The following PRPSAP1 variants were observed in gnomAD, a reference collection of about 807,000 sequenced individuals.
PRPSAP1 encodes phosphoribosyl pyrophosphate synthetase associated protein 1, also known as phosphoribosyl pyrophosphate synthase-associated protein 1.
In PRPSAP1, 31 loss-of-function variants were observed where a neutral mutation model predicts 39.4. The ratio of observed to expected loss-of-function variants is 0.79; its 90% CI spans 0.59 to 1.06. The LOEUF is 1.06. Among genes scored for constraint, PRPSAP1 ranks in the 50% least tolerant of loss-of-function variants. The pLI is 0.00. For missense variants in PRPSAP1, 430 were observed against 511.6 expected, an observed-to-expected ratio of 0.84 and a Z score of 1.54; for synonymous variants, 212 against 192.6, an observed-to-expected ratio of 1.10 and a Z score of -0.83.
intron 7 of PRPSAP1, among the ~76,000 whole-genome samples, chr17:76,325,979 T>C (rs1048973255): frequency 6.6e-6 from 1 of 152,126 alleles, no homozygotes; most frequent in Non-Finnish European, 1.5e-5. Flanking sequence ...CACAATGATA[T>C]TGAGCATTTA....
In PRPSAP1 at chr17:76,353,887, G is replaced by T; in HGVS notation, c.-184C>A. On this transcript the variant is annotated 5_prime_UTR_variant, in exon 1 of 10. Transcript: ENST00000446526. ...ACTACAGCGGCCGAGCCTTCGCAGC[G>T]CCCGGCGCCGCCGCCTCAGAGCCAG... 1.5e-6 allele frequency: 2 copies of T among 1,328,044 alleles called. No individual in the cohort carries two copies. The highest frequency in any genetic ancestry group is 3.1e-5 in the African/African-American group (2 of 64,738). 82.3% of individuals were successfully genotyped at this position (1,328,044 alleles called of 1,614,324 possible). A position where few individuals can be genotyped will look rare whatever the true frequency, so the allele number is the denominator to read the frequency against.
intron 7 of PRPSAP1, among the ~76,000 whole-genome samples, chr17:76,326,119 TGAC>T (rs535731766): frequency 2.1e-4 from 32 of 152,282 alleles, no homozygotes; most frequent in African/African-American, 7.0e-4. Context: ...GGTATTCCTG[TGAC>T]GACAATGAAT....
At chr17:76,337,038 G>C (rs952459872) in intron 3 of PRPSAP1, among the ~76,000 whole-genome samples, 3 of 152,136 alleles carry the variant, frequency 2.0e-5, no homozygotes, top group Admixed American at 6.6e-5. Context: ...AGCTCTTGTA[G>C]TCTTTATCTC....
At chr17:76,320,455 C>T (rs1598520225) in intron 7 of PRPSAP1, among the ~76,000 whole-genome samples, 1 of 102,296 alleles carries the variant, frequency 9.8e-6, no homozygotes, top group African/African-American at 3.6e-5. Context: ...GATGGAGTCT[C>T]CCTTTGTTGC....
In PRPSAP1 at chr17:76,311,444, G is replaced by C; in HGVS notation, c.*98C>G. 1 of 1,365,912 alleles carries C rather than the reference G, an allele frequency of 7.3e-7. No individual in the cohort carries two copies. 84.6% of individuals were successfully genotyped at this position (1,365,912 alleles called of 1,614,324 possible). A position where few individuals can be genotyped will look rare whatever the true frequency, so the allele number is the denominator to read the frequency against. The stretch of plus-strand genomic sequence containing the variant: ...AAAAGAAGATATCTAACTCCAGGCT[G>C]TTTCGAGTCCTCCCTTGCAAGGAAA... On this transcript the variant is annotated 3_prime_UTR_variant, in exon 10 of 10. Transcript: ENST00000446526.
intron 8 of PRPSAP1, 142 bp downstream of exon 8, chr17:76,313,679 C>G: frequency 1.2e-6 from 1 of 866,818 alleles, no homozygotes; most frequent in South Asian, 1.6e-5. Context: ...GTTTCTGCCA[C>G]TTGGCACAAG....
chr17:76,353,599 G>C lies in PRPSAP1; in HGVS notation c.105C>G (p.Thr35=), dbSNP rs765220128. ...AGTTGGCCGAGAAGACTCGGTAGCCGGTGCGAGCGGCGTTCATGGCCGGCG... is the reference window on the plus strand; with the variant it reads ...AGTTGGCCGAGAAGACTCGGTAGCCCGTGCGAGCGGCGTTCATGGCCGGCG... The part of the protein sequence containing the change: ...VPPPAMNAAR[T]GYRVFSANST... The change falls in exon 1 of 10, where the codon ACC becomes ACG. Residue 35 remains threonine (T), a synonymous_variant. Coordinates refer to ENST00000446526, the MANE Select transcript of PRPSAP1 (RefSeq NM_002766.3). 1.3e-6 allele frequency: 2 copies of C among 1,559,134 alleles called. No individual in the cohort carries two copies. The highest frequency in any genetic ancestry group is 2.3e-5 in the South Asian group (2 of 85,314).
At chr17:76,313,525 A>G (rs2071090847) in intron 8 of PRPSAP1, 1 of 371,182 alleles carries the variant, frequency 2.7e-6, no homozygotes, top group South Asian at 5.0e-5. Flanking sequence ...TTTCGGCCCT[A>G]ACGCTCAAGC....
chr17:76,330,197 G>A (rs1183144327), intron 5 of PRPSAP1, 99 bp from the exon 6 acceptor site: 1 of 1,034,496 alleles, frequency 9.7e-7, no homozygotes, highest in Admixed American at 2.0e-5. Context: ...ATCCAAACTA[G>A]TCATCAAATA....
intron 7 of PRPSAP1, among the ~76,000 whole-genome samples, chr17:76,326,292 A>G (rs2071255823): frequency 6.6e-6 from 1 of 152,232 alleles, no homozygotes. Flanking sequence ...ATCACAGTCA[A>G]TAATTGATTC....
chr17:76,352,487 T>C (rs1198744211), intron 1 of PRPSAP1, among the ~76,000 whole-genome samples: 3 of 150,864 alleles, frequency 2.0e-5, no homozygotes. Context: ...CTACTAAAAA[T>C]ACAAAAAATG....
At chr17:76,345,237 T>TAAAAAAAA (rs59693380) in intron 2 of PRPSAP1, among the ~76,000 whole-genome samples, 54 of 62,170 alleles carry the variant, frequency 8.7e-4, no homozygotes, top group Non-Finnish European at 9.9e-4. Flanking sequence ...TCCGTCTCAT[T>TAAAAAAAA]AAAAAAAAAA....
chr17:76,332,442 C>T lies in PRPSAP1; in HGVS notation c.291-7G>A. Reference sequence around the variant, plus strand: ...CACAGCTGTATTCACATCTCTGAAACAGTCAAAGTTTGTATTTGGGGATTA... The same window carrying T: ...CACAGCTGTATTCACATCTCTGAAATAGTCAAAGTTTGTATTTGGGGATTA... On this transcript the variant is annotated splice_polypyrimidine_tract_variant and splice_region_variant and intron_variant, in intron 3 of 9. Transcript: ENST00000446526. 1 of 1,613,520 alleles carries T rather than the reference C, an allele frequency of 6.2e-7. No individual in the cohort carries two copies. Among genetic ancestry groups the T allele is most frequent in the Non-Finnish European group, 8.5e-7 (1 of 1,179,552 alleles).
At chr17:76,341,059 T>G (rs981699935) in intron 3 of PRPSAP1, among the ~76,000 whole-genome samples, 1 of 151,790 alleles carries the variant, frequency 6.6e-6, no homozygotes, top group African/African-American at 2.4e-5. Context: ...TCATAGATGA[T>G]CCCTAAATAC....
chr17:76,312,799 G>A (rs2071082178), intron 9 of PRPSAP1, 71 bp downstream of exon 9: 9 of 1,539,024 alleles, frequency 5.8e-6, no homozygotes, highest in African/African-American at 1.4e-5. Context: ...ATTTAGTATT[G>A]ACTGAATCAT....
intron 7 of PRPSAP1, among the ~76,000 whole-genome samples, chr17:76,327,757 C>T (rs2071269276): frequency 6.6e-6 from 1 of 152,154 alleles, no homozygotes. Context: ...TAAGATTTCA[C>T]ACCATCACAC....
At position 76,313,004 on chromosome 17, in the gene PRPSAP1, C is replaced by T; in HGVS notation, c.865G>A (p.Asp289Asn). 1 of 1,613,662 alleles carries T rather than the reference C, an allele frequency of 6.2e-7. No homozygotes were observed. The highest frequency in any genetic ancestry group is 1.1e-5 in the South Asian group (1 of 91,038). ...GCAGCAACAAAACTCTCCACATCGT[C>T]AATAATGTCATCCTGGGAGGAGAAC... is the stretch of plus-strand genomic sequence containing the variant. Reference protein sequence around the residue: ...RIAIIVDDIIDDVESFVAAAE... With the variant: ...RIAIIVDDIINDVESFVAAAE... The change falls in exon 9 of 10, where the codon GAC becomes AAC. Residue 289 changes from aspartate (D) to asparagine (N), a missense_variant. Asp to Asn is a conservative substitution (Grantham distance 23, BLOSUM62 1). Transcript: ENST00000446526.
At chr17:76,348,730 T>C (rs1252953913) in intron 1 of PRPSAP1, 149 bp from the exon 2 acceptor site, 11 of 612,640 alleles carry the variant, frequency 1.8e-5, no homozygotes, top group Non-Finnish European at 2.9e-5. Context: ...TTCATTAAAC[T>C]AAAATTCTGC....
intron 3 of PRPSAP1, among the ~76,000 whole-genome samples, chr17:76,341,484 C>T (rs2143529956): frequency 6.6e-6 from 1 of 152,236 alleles, no homozygotes; most frequent in East Asian, 1.9e-4. Flanking sequence ...TCAAGTGATC[C>T]TCCTGCCTTG....
Sources: gnomAD v4.1 joint callset for allele counts (sites outside exome capture counted in the v4.1 genomes callset) on GRCh38, gnomAD v4.1.1 for gene constraint, MANE v1.5 for transcripts, NCBI Gene and HGNC (gene_info 2026-07-23, HGNC 2026-07-21) for gene names.